The following CDK13 variants were observed in gnomAD, a reference collection of about 807,000 sequenced individuals.
CDK13 encodes the protein cyclin-dependent kinase 13.
A neutral mutation model predicts 137.6 loss-of-function variants in CDK13; 40 were observed. That is an observed-to-expected ratio of 0.29 (90% CI 0.23 to 0.38). CDK13 has a LOEUF of 0.38. Among genes scored for constraint, CDK13 ranks in the 10% least tolerant of loss-of-function variants. The pLI, the probability that CDK13 is intolerant of heterozygous loss-of-function variation, is 1.00. For missense variants in CDK13, 1,704 were observed against 1,951.8 expected (o/e 0.87, Z 2.39); for synonymous variants, 869 against 760.1 (o/e 1.14, Z -2.36).
chr7:40,023,397 G>A (rs1785170928), intron 5 of CDK13, among the ~76,000 whole-genome samples: 1 of 152,002 alleles, frequency 6.6e-6, no homozygotes, highest in Non-Finnish European at 1.5e-5. Flanking sequence ...TAAGGTATTC[G>A]TGGTTGAAAT....
At position 39,950,434 on chromosome 7, in the gene CDK13, C is replaced by T. The variant is rs954356237; in HGVS notation, c.-208C>T. 3.2e-6 allele frequency: 4 copies of T among 1,233,844 alleles called. No homozygotes were observed. The highest frequency in any genetic ancestry group is 3.2e-5 in the East Asian group (1 of 31,518). 76.4% of individuals were successfully genotyped at this position (1,233,844 alleles called of 1,614,324 possible). On this transcript the variant is annotated 5_prime_UTR_variant, in exon 1 of 14. Coordinates refer to ENST00000181839, the MANE Select transcript of CDK13 (RefSeq NM_003718.5). ...GCTCCGCCGCCCGGATTCCTGCTTC[C>T]CTGGGGCCCGGAGGCTGCTGCGTAC...
intron 1 of CDK13, among the ~76,000 whole-genome samples, chr7:39,982,569 T>G (rs1253091553): frequency 1.3e-5 from 2 of 152,176 alleles, no homozygotes; most frequent in East Asian, 1.9e-4. Flanking sequence ...TTTCTAGTTC[T>G]AGATCCCTGA....
At chr7:39,989,301 C>T (rs780812722) in intron 2 of CDK13, among the ~76,000 whole-genome samples, 5 of 151,634 alleles carry the variant, frequency 3.3e-5, no homozygotes, top group Non-Finnish European at 7.4e-5. Flanking sequence ...CTGCCTGTTA[C>T]ACCACCTAGC....
At chr7:39,962,012 A>G (rs1420469963) in intron 1 of CDK13, among the ~76,000 whole-genome samples, 1 of 152,204 alleles carries the variant, frequency 6.6e-6, no homozygotes, top group Admixed American at 6.5e-5. Context: ...TATATGTGCC[A>G]CATTTTCTTA....
intron 5 of CDK13, among the ~76,000 whole-genome samples, chr7:40,017,014 C>T (rs571379173): frequency 6.6e-6 from 1 of 152,108 alleles, no homozygotes; most frequent in Non-Finnish European, 1.5e-5. Context: ...TCAGTTTCCA[C>T]AAATTTTTTG....
At chr7:39,993,021 T>C (rs1297895462) in intron 2 of CDK13, among the ~76,000 whole-genome samples, 1 of 152,172 alleles carries the variant, frequency 6.6e-6, no homozygotes, top group African/African-American at 2.4e-5. Flanking sequence ...ATTTTCCTCT[T>C]TGCAATTAGA....
chr7:40,088,037 G>A (rs1786829705), intron 11 of CDK13, 89 bp from the exon 12 acceptor site: 1 of 996,042 alleles, frequency 1.0e-6, no homozygotes, highest in Non-Finnish European at 1.5e-6. Flanking sequence ...ACTATTTGGG[G>A]TGGGGGCATA....
At chr7:40,041,140 A>T (rs560013554) in intron 5 of CDK13, among the ~76,000 whole-genome samples, 1 of 152,228 alleles carries the variant, frequency 6.6e-6, no homozygotes, top group Non-Finnish European at 1.5e-5. Context: ...AGCCTGGCCA[A>T]CATTGTGAAA....
intron 5 of CDK13, among the ~76,000 whole-genome samples, chr7:40,003,227 T>TCTCTCTCTCTC (rs1784731983): frequency 1.2e-5 from 1 of 84,386 alleles, no homozygotes; most frequent in African/African-American, 6.1e-5. Context: ...CTCTCTCTCT[T>TCTCTCTCTCTC]ACTCTGTTGA....
In CDK13 at chr7:39,951,341, C is replaced by T. The variant is rs1554317214; in HGVS notation, c.700C>T (p.Arg234Cys). ...GGSEASKSRS[R>C]HSHSGEERAE... Reference sequence around the variant, plus strand: ...CAGCGAGGCCTCCAAGTCCCGCAGCCGCCACAGCCACAGCGGCGAGGAACG... The same window carrying T: ...CAGCGAGGCCTCCAAGTCCCGCAGCTGCCACAGCCACAGCGGCGAGGAACG... The change falls in exon 1 of 14, where the codon CGC becomes TGC. Residue 234 changes from arginine (R) to cysteine (C), a missense_variant. Physicochemically the swap from Arg to Cys is radical, Grantham distance 180 (BLOSUM62 -3). This residue lies in a region of CDK13 where 1,051 missense variants were observed against 931.0 expected (regional missense o/e 1.13). Transcript: ENST00000181839. 2.1e-6 allele frequency: 3 copies of T among 1,460,220 alleles called. No homozygotes were observed. Among genetic ancestry groups the T allele is most frequent in the Admixed American group, 2.6e-5 (1 of 37,998 alleles). 90.5% of individuals were successfully genotyped at this position (1,460,220 alleles called of 1,614,324 possible).
At position 40,092,991 on chromosome 7, in the gene CDK13, C is replaced by T; in HGVS notation, c.3442C>T (p.Pro1148Ser). The change falls in exon 13 of 14, where the codon CCA (proline) becomes TCA (serine). Residue 1148 changes from proline to serine, a missense_variant. Pro to Ser is a moderately conservative substitution (Grantham distance 74). Coordinates refer to ENST00000181839, the MANE Select transcript of CDK13 (RefSeq NM_003718.5). ...TGAAAAACAGACAGATCCATCAACA[C>T]CACAACAGGAGTCTTCGAAACCGTT... ...TGEKQTDPST[P>S]QQESSKPLGG... 6.2e-7 allele frequency: 1 copy of T among 1,614,196 alleles called. No homozygotes were observed. Among genetic ancestry groups the T allele is most frequent in the Non-Finnish European group, 8.5e-7 (1 of 1,180,032 alleles).
At position 40,098,954 on chromosome 7, in the gene CDK13, T is replaced by A. The variant is rs1437626684; in HGVS notation, c.*3974T>A. 1 of 152,082 alleles carries A rather than the reference T, an allele frequency of 6.6e-6. No homozygotes were observed. Among genetic ancestry groups the A allele is most frequent in the East Asian group, 1.9e-4 (1 of 5,198 alleles). The allele number at this position is 152,082 out of a possible 1,614,324, so 9.4% of individuals were successfully genotyped here. On this transcript the variant is annotated 3_prime_UTR_variant, in exon 14 of 14. Coordinates refer to ENST00000181839, the MANE Select transcript of CDK13 (RefSeq NM_003718.5). Reference sequence around the variant, plus strand: ...ATAATCTTTGAAAAGGCAAGTCCTGTATGTATTTTTCATTTGTTGAAAGAA... The same window carrying A: ...ATAATCTTTGAAAAGGCAAGTCCTGAATGTATTTTTCATTTGTTGAAAGAA...
At chr7:40,030,014 A>G (rs1478632764) in intron 5 of CDK13, among the ~76,000 whole-genome samples, 1 of 152,148 alleles carries the variant, frequency 6.6e-6, no homozygotes, top group African/African-American at 2.4e-5. Flanking sequence ...TCTTGATTCT[A>G]TCTGGCTGTC....
chr7:40,024,645 G>GTTTTTT lies in CDK13; in HGVS notation c.2354-21163_2354-21158dup, dbSNP rs58010602. 5.5e-3 allele frequency among the ~76,000 whole-genome samples: 276 copies of GTTTTTT among 50,288 alleles called. 47 individuals are homozygous for GTTTTTT. Among genetic ancestry groups the GTTTTTT allele is most frequent in the African/African-American group, 0.022 (266 of 11,974 alleles). The allele number at this position is 50,288 out of a possible 152,430, so 33.0% of individuals were successfully genotyped here. ...TCTTCCAAGATATCTGTAGCTCTGT[G>GTTTTTT]TTTTTTTTTTTTTTTTTTTTTTTTT... On this transcript the variant is annotated intron_variant, in intron 5 of 13. Transcript: ENST00000181839.
chr7:40,068,404 G>C (rs1379117469), intron 9 of CDK13, among the ~76,000 whole-genome samples: 1 of 151,666 alleles, frequency 6.6e-6, no homozygotes, highest in Non-Finnish European at 1.5e-5. Context: ...TTACTAAGAA[G>C]GAAATAGTTG....
At chr7:40,077,964 T>C in intron 9 of CDK13, 41 bp from the exon 10 acceptor site, 1 of 835,324 alleles carries the variant, frequency 1.2e-6, no homozygotes, top group Non-Finnish European at 1.8e-6. Flanking sequence ...GTATTCTTTA[T>C]GTAGTTGATA....
chr7:39,992,665 C>T (rs758156307), intron 2 of CDK13, among the ~76,000 whole-genome samples: 7 of 151,716 alleles, frequency 4.6e-5, no homozygotes, highest in Admixed American at 1.3e-4. Flanking sequence ...ATAATCAGTA[C>T]TCCCCCCCTA....
intron 7 of CDK13, among the ~76,000 whole-genome samples, chr7:40,057,504 C>G (rs538224812): frequency 6.6e-6 from 1 of 152,234 alleles, no homozygotes; most frequent in African/African-American, 2.4e-5. Context: ...CTGGAGAGCA[C>G]TTGGTCATGT....
At chr7:40,072,143 T>C (rs1562760255) in intron 9 of CDK13, 1 of 152,214 alleles carries the variant, frequency 6.6e-6, no homozygotes, top group Non-Finnish European at 1.5e-5. Context: ...TACATTCTTT[T>C]TTTGAGAGAG....
Sources: gnomAD v4.1 joint callset for allele counts (sites outside exome capture counted in the v4.1 genomes callset) on GRCh38, gnomAD v4.1.1 for gene constraint, gnomAD v4.1.1 regional missense constraint, MANE v1.5 for transcripts, NCBI Gene and HGNC (gene_info 2026-07-23, HGNC 2026-07-21) for gene names.